Variants in PIK3C2G observed in about 807,000 individuals in gnomAD.
PIK3C2G encodes phosphatidylinositol-4-phosphate 3-kinase catalytic subunit type 2 gamma.
PIK3C2G carries 168 observed loss-of-function variants against 181.1 expected under a neutral mutation model. That is an observed-to-expected ratio of 0.93 (90% CI 0.82 to 1.05). The LOEUF is 1.05. Ranked by LOEUF, PIK3C2G falls within the 50% of genes least tolerant of loss-of-function variation. The probability of loss-of-function intolerance (pLI) is 0.00; values close to 1 mark genes in which losing one functional copy is unlikely to be tolerated. For missense variants in PIK3C2G, 1,869 were observed against 1,732.8 expected, an observed-to-expected ratio of 1.08 and a Z score of -1.40; for synonymous variants, 573 against 592.2, an observed-to-expected ratio of 0.97 and a Z score of 0.47.
At chr12:18,297,064 C>A (rs1375498127) in intron 5 of PIK3C2G, among the ~76,000 whole-genome samples, 2 of 152,012 alleles carry the variant, frequency 1.3e-5, no homozygotes, top group South Asian at 2.1e-4. Context: ...CCAGTGAGCT[C>A]AAGGACAGGA....
intron 18 of PIK3C2G, among the ~76,000 whole-genome samples, chr12:18,478,528 G>C (rs570286189): frequency 6.6e-6 from 1 of 152,294 alleles, no homozygotes; most frequent in East Asian, 1.9e-4. Flanking sequence ...CTTTGAAACT[G>C]TGATGTTGGT....
intron 1 of PIK3C2G, among the ~76,000 whole-genome samples, chr12:18,255,730 T>C (rs1334389534): frequency 1.3e-5 from 2 of 152,194 alleles, no homozygotes; most frequent in Non-Finnish European, 2.9e-5. Context: ...CTTTGGCTAG[T>C]TAGCCATCAT....
At chr12:18,485,897 G>C (rs1349859225) in intron 18 of PIK3C2G, among the ~76,000 whole-genome samples, 1 of 152,100 alleles carries the variant, frequency 6.6e-6, no homozygotes, top group Non-Finnish European at 1.5e-5. Context: ...CAATCTTATA[G>C]ACAGAGGCAA....
intron 24 of PIK3C2G, among the ~76,000 whole-genome samples, chr12:18,525,304 A>G (rs1943163207): frequency 6.6e-6 from 1 of 152,082 alleles, no homozygotes; most frequent in African/African-American, 2.4e-5. Flanking sequence ...AGGCAGGAGA[A>G]TCGCGTGAAC....
At chr12:18,670,380 G>A in the PIK3C2G span, among the ~76,000 whole-genome samples, 1 of 151,994 alleles carries the variant, frequency 6.6e-6, no homozygotes. Context: ...GTGCCACAGA[G>A]AGCTAGAACA....
chr12:18,578,945 C>T (rs2136412056), intron 29 of PIK3C2G, among the ~76,000 whole-genome samples: 1 of 152,102 alleles, frequency 6.6e-6, no homozygotes, highest in Middle Eastern at 3.5e-3. Flanking sequence ...ATGTTTTTCA[C>T]ATTTTATAGT....
chr12:18,439,354 C>T, intron 18 of PIK3C2G, among the ~76,000 whole-genome samples: 1 of 152,004 alleles, frequency 6.6e-6, no homozygotes, highest in Admixed American at 6.6e-5. Context: ...TCACTCACAT[C>T]CCTCATCTGC....
chr12:18,693,298 T>C, the PIK3C2G span: 2 of 1,529,818 alleles, frequency 1.3e-6, no homozygotes, highest in East Asian at 2.2e-5. Context: ...GTCACAGTGA[T>C]GAAGGTGGAA....
At chr12:18,681,211 T>G in the PIK3C2G span, among the ~76,000 whole-genome samples, 1 of 152,026 alleles carries the variant, frequency 6.6e-6, no homozygotes, top group Admixed American at 6.6e-5. Context: ...AGTACAAAGT[T>G]GGTTCCTGAC....
chr12:18,397,589 T>C (rs1436641895), intron 15 of PIK3C2G, among the ~76,000 whole-genome samples: 3 of 152,100 alleles, frequency 2.0e-5, no homozygotes, highest in South Asian at 2.1e-4. Flanking sequence ...TATACACCCA[T>C]TGGAATGGAT....
At chr12:18,334,597 A>G (rs1352400816) in intron 8 of PIK3C2G, among the ~76,000 whole-genome samples, 2 of 151,976 alleles carry the variant, frequency 1.3e-5, no homozygotes, top group Admixed American at 6.6e-5. Context: ...AAATGTTCTG[A>G]AATGTTATGC....
chr12:18,614,744 C>G (rs1229570279), intron 31 of PIK3C2G, among the ~76,000 whole-genome samples: 1 of 152,084 alleles, frequency 6.6e-6, no homozygotes, highest in Non-Finnish European at 1.5e-5. Context: ...ATTTACATCT[C>G]TACATTCAAT....
chr12:18,340,140 TATA>T (rs1186226363), intron 9 of PIK3C2G, among the ~76,000 whole-genome samples: 3 of 152,126 alleles, frequency 2.0e-5, no homozygotes, highest in Non-Finnish European at 4.4e-5. Flanking sequence ...TCATATATAA[TATA>T]ATCATATTTT....
At chr12:18,449,348 G>A (rs544550712) in intron 18 of PIK3C2G, among the ~76,000 whole-genome samples, 112 of 151,558 alleles carry the variant, frequency 7.4e-4, no homozygotes, top group African/African-American at 2.1e-3. Flanking sequence ...GGTTTGTTAC[G>A]TAGGTATACA....
At chr12:18,684,562 A>G in the PIK3C2G span, among the ~76,000 whole-genome samples, 1 of 152,070 alleles carries the variant, frequency 6.6e-6, no homozygotes, top group Non-Finnish European at 1.5e-5. Flanking sequence ...AAGATGTTAC[A>G]TAATTTCCTA....
At chr12:18,497,596 G>C in intron 21 of PIK3C2G, 23 bp from the exon 22 acceptor site, 1 of 1,598,094 alleles carries the variant, frequency 6.3e-7, no homozygotes, top group Non-Finnish European at 8.5e-7. Flanking sequence ...AAAACCCAGG[G>C]TCTATAATTT....
chr12:18,719,349 G>A, the PIK3C2G span: 47 of 732,768 alleles, frequency 6.4e-5, no homozygotes, highest in Non-Finnish European at 8.3e-5. Context: ...TTTTTATTGT[G>A]CACTCTTGCC....
chr12:18,285,837 TAACA>T (rs1190356190), intron 2 of PIK3C2G, among the ~76,000 whole-genome samples: 11 of 151,824 alleles, frequency 7.2e-5, no homozygotes, highest in African/African-American at 2.7e-4. Flanking sequence ...GTCTTAAATC[TAACA>T]ATTTCCATAA....
intron 16 of PIK3C2G, among the ~76,000 whole-genome samples, chr12:18,401,772 C>A (rs1310131621): frequency 6.6e-6 from 1 of 152,090 alleles, no homozygotes; most frequent in African/African-American, 2.4e-5. Context: ...TGCTCAATAT[C>A]ATTAGCCATT....
Sources: gnomAD v4.1 joint callset for allele counts (sites outside exome capture counted in the v4.1 genomes callset) on GRCh38, gnomAD v4.1.1 for gene constraint, MANE v1.5 for transcripts, NCBI Gene and HGNC (gene_info 2026-07-23, HGNC 2026-07-21) for gene names.